Variants in KIF13A observed in about 807,000 individuals in gnomAD.
KIF13A encodes kinesin-like protein KIF13A.
Under a neutral mutation model 212.2 loss-of-function variants are expected in KIF13A, and 79 were observed. That is an observed-to-expected ratio of 0.37 (90% CI 0.31 to 0.45). KIF13A has a LOEUF of 0.45. Ranked by LOEUF, KIF13A falls within the 20% of genes least tolerant of loss-of-function variation. The pLI is 1.00. For missense variants in KIF13A, 1,901 were observed against 2,209.0 expected (o/e 0.86, Z 2.79); for synonymous variants, 789 against 808.6 (o/e 0.98, Z 0.41).
At position 17,918,787 on chromosome 6, in the gene KIF13A, C is replaced by A. The variant is rs1431852387; in HGVS notation, c.147-20607G>T. 6.6e-6 allele frequency among the ~76,000 whole-genome samples: 1 copy of A among 152,176 alleles called. No homozygotes were observed. Among genetic ancestry groups the A allele is most frequent in the Non-Finnish European group, 1.5e-5 (1 of 68,036 alleles). ...ATTAATGTTGAGGCTGCCTGCACCA[C>A]CTCCATCCCACCTGCATCCTGCTTG... On this transcript the variant is annotated intron_variant, in intron 2 of 38. Coordinates refer to ENST00000259711, the MANE Select transcript of KIF13A (RefSeq NM_022113.6). The surrounding 1 kb of genome is among the most constrained non-coding windows in gnomAD (Gnocchi z 4.8).
At chr6:17,770,745 C>T in intron 38 of KIF13A, 3 of 955,346 alleles carry the variant, frequency 3.1e-6, no homozygotes, top group Non-Finnish European at 3.8e-6. Flanking sequence ...TGATTACTTA[C>T]TCCAAGTAAG....
chr6:17,808,638 TG>T lies in KIF13A; in HGVS notation c.2163+129del. On this transcript the variant is annotated intron_variant, in intron 18 of 38. Transcript: ENST00000259711. ...CCAATGAGGTATATAAAGAATGTCTTGAAAAAAATAAACATCTCTGGCTGAT... is the reference window on the plus strand; with the variant it reads ...CCAATGAGGTATATAAAGAATGTCTTAAAAAAATAAACATCTCTGGCTGAT... 3.7e-6 allele frequency: 3 copies of T among 808,904 alleles called. No individual in the cohort carries two copies. In the Middle Eastern group the frequency reaches 1.2e-3, roughly 316 times the overall value. 50.1% of individuals were successfully genotyped at this position (808,904 alleles called of 1,614,324 possible). A position where few individuals can be genotyped will look rare whatever the true frequency, so the allele number is the denominator to read the frequency against.
intron 34 of KIF13A, among the ~76,000 whole-genome samples, chr6:17,775,511 CTT>C: frequency 6.6e-6 from 1 of 152,246 alleles, no homozygotes; most frequent in East Asian, 1.9e-4. Context: ...TTAGAATCAG[CTT>C]ATCAAATCTT....
intron 2 of KIF13A, among the ~76,000 whole-genome samples, chr6:17,983,267 A>G (rs1257870394): frequency 6.6e-6 from 1 of 152,116 alleles, no homozygotes; most frequent in Admixed American, 6.6e-5. Context: ...ATGCACATAT[A>G]TATCTGGAAA....
chr6:17,772,248 A>G lies in KIF13A; in HGVS notation c.4325-189T>C, dbSNP rs1166455322. 6.6e-6 allele frequency among the ~76,000 whole-genome samples: 1 copy of G among 152,192 alleles called. No homozygotes were observed. The highest frequency in any genetic ancestry group is 1.5e-5 in the Non-Finnish European group (1 of 68,030). On this transcript the variant is annotated intron_variant, in intron 36 of 38. Coordinates refer to ENST00000259711, the MANE Select transcript of KIF13A (RefSeq NM_022113.6). This position sits in a 1 kb window ranked among gnomAD's most constrained non-coding sequence, Gnocchi z 4.8. ...CATAGGGACACCAGTCTGTGAAAAA[A>G]AAAATAAACAGATAGCCAGGCATGG...
chr6:17,979,056 G>C (rs1780832231), intron 2 of KIF13A, among the ~76,000 whole-genome samples: 1 of 152,180 alleles, frequency 6.6e-6, no homozygotes, highest in African/African-American at 2.4e-5. Context: ...AGGCCAAGGA[G>C]GGTGCACCTG....
rs951081014 is a variant in KIF13A at position 17,785,396 on chromosome 6, T to A, written c.3488+119A>T. 2 of 1,166,874 alleles carry A rather than the reference T, an allele frequency of 1.7e-6. No individual in the cohort carries two copies. The highest frequency in any genetic ancestry group is 2.3e-6 in the Non-Finnish European group (2 of 856,240). 72.3% of individuals were successfully genotyped at this position (1,166,874 alleles called of 1,614,324 possible). Reference sequence around the variant, plus strand: ...GCATTAGAGATGAGTGGACATTCCCTAAGTAGTTCAGCTGGTTGGCATTTT... The same window carrying A: ...GCATTAGAGATGAGTGGACATTCCCAAAGTAGTTCAGCTGGTTGGCATTTT... On this transcript the variant is annotated intron_variant, in intron 28 of 38. Coordinates refer to ENST00000259711, the MANE Select transcript of KIF13A (RefSeq NM_022113.6). The surrounding 1 kb of genome is among the most constrained non-coding windows in gnomAD (Gnocchi z 5.8).
chr6:17,822,587 T>C (rs980718772), intron 16 of KIF13A, among the ~76,000 whole-genome samples: 6 of 152,216 alleles, frequency 3.9e-5, no homozygotes, highest in Admixed American at 2.6e-4. Flanking sequence ...GAGGGCTAAA[T>C]GATTAAACTG....
rs764164486 is a variant in KIF13A at position 17,777,294 on chromosome 6, T to A, written c.4153A>T (p.Thr1385Ser). 1 of 1,612,836 alleles carries A rather than the reference T, an allele frequency of 6.2e-7. No individual in the cohort carries two copies. Among genetic ancestry groups the A allele is most frequent in the Non-Finnish European group, 8.5e-7 (1 of 1,179,254 alleles). The change falls in exon 34 of 39, where the codon ACA (threonine) becomes TCA (serine). Residue 1385 changes from threonine to serine, a missense_variant. By Grantham distance (58) the Thr-to-Ser change is moderately conservative. This residue lies in a region of KIF13A where 687 missense variants were observed against 759.1 expected (regional missense o/e 0.90). Transcript: ENST00000259711. The surrounding 1 kb of genome is among the most constrained non-coding windows in gnomAD (Gnocchi z 4.4). ...KARHIRRSLS[T>S]PNVHNVSSSR... is the part of the protein sequence containing the mutation. ...GCACTTACATTATGAACATTTGGTG[T>A]ACTGAGGCTCCTCCGAATGTGCCGG...
chr6:17,962,877 T>C (rs919466155), intron 2 of KIF13A, among the ~76,000 whole-genome samples: 1 of 152,184 alleles, frequency 6.6e-6, no homozygotes, highest in African/African-American at 2.4e-5. Context: ...TTAATGACAA[T>C]GCAATGAATA....
chr6:17,803,978 C>T (rs1416663817), intron 20 of KIF13A, among the ~76,000 whole-genome samples: 1 of 152,182 alleles, frequency 6.6e-6, no homozygotes, highest in Non-Finnish European at 1.5e-5. Flanking sequence ...CGGTGAAACC[C>T]CGTCTCCACT....
intron 16 of KIF13A, among the ~76,000 whole-genome samples, chr6:17,822,826 T>A (rs1489058008): frequency 6.6e-6 from 1 of 152,186 alleles, no homozygotes; most frequent in African/African-American, 2.4e-5. Flanking sequence ...TGTCTGAACG[T>A]CACTTCGAAA....
chr6:17,867,648 G>A (rs1769541764), intron 4 of KIF13A, among the ~76,000 whole-genome samples: 1 of 152,184 alleles, frequency 6.6e-6, no homozygotes, highest in Non-Finnish European at 1.5e-5. Context: ...TGACTCCAGA[G>A]CCTGTGCTTT....
chr6:17,849,638 G>A lies in KIF13A; in HGVS notation c.718-149C>T. On this transcript the variant is annotated intron_variant, in intron 8 of 38. Transcript: ENST00000259711. The surrounding 1 kb of genome is among the most constrained non-coding windows in gnomAD (Gnocchi z 5.7). Reference sequence around the variant, plus strand: ...TTTTAAACGGTCAGAAGAGTTATTTGAACCAGCAATTAATTTCATAGTTAA... The same window carrying A: ...TTTTAAACGGTCAGAAGAGTTATTTAAACCAGCAATTAATTTCATAGTTAA... The A allele has an allele frequency of 1.8e-6, 1 of 558,926 alleles. No homozygotes were observed. Among genetic ancestry groups the A allele is most frequent in the Non-Finnish European group, 3.1e-6 (1 of 318,430 alleles). 34.6% of individuals were successfully genotyped at this position (558,926 alleles called of 1,614,324 possible). A position where few individuals can be genotyped will look rare whatever the true frequency, so the allele number is the denominator to read the frequency against.
Position 17,773,526 on chromosome 6 carries a change from C to G in KIF13A, c.4276G>C (p.Ala1426Pro). 1 of 1,612,070 alleles carries G rather than the reference C, an allele frequency of 6.2e-7. No homozygotes were observed. The highest frequency in any genetic ancestry group is 1.1e-5 in the South Asian group (1 of 90,922). The stretch of plus-strand genomic sequence containing the variant: ...TCCCTGGGTAAAGTTCCATAACATG[C>G]TACATCTTGGTAACTGGAGCTATAG... Reference protein sequence around the residue: ...SDYSSSYQDVACYGTLPRDSP... With the variant: ...SDYSSSYQDVPCYGTLPRDSP... Residue 1426 changes from alanine (A) to proline (P), a missense_variant, in exon 36 of 39, where the codon GCA becomes CCA. Physicochemically the swap from Ala to Pro is conservative, Grantham distance 27. Around this residue, in one of 5 missense-constraint regions of KIF13A, gnomAD observed 687 missense variants for 759.1 expected, o/e 0.90. Coordinates refer to ENST00000259711, the MANE Select transcript of KIF13A (RefSeq NM_022113.6). This position sits in a 1 kb window ranked among gnomAD's most constrained non-coding sequence, Gnocchi z 4.2.
rs537878325 is a variant in KIF13A at position 17,908,798 on chromosome 6, T to C, written c.147-10618A>G. ...GCAGACAGACTTGTGGTTTGATTTT[T>C]TGGACTACTTTGGTATATTTGAACT... On this transcript the variant is annotated intron_variant, in intron 2 of 38. Transcript: ENST00000259711. 1.4e-3 allele frequency among the ~76,000 whole-genome samples: 220 copies of C among 152,346 alleles called. 2 individuals are homozygous for C. The highest frequency in any genetic ancestry group is 5.1e-3 in the African/African-American group (214 of 41,572).
In KIF13A at chr6:17,828,952, A is replaced by ATTT. The variant is rs10667237; in HGVS notation, c.1402-585_1402-583dup. On this transcript the variant is annotated intron_variant, in intron 13 of 38. Coordinates refer to ENST00000259711, the MANE Select transcript of KIF13A (RefSeq NM_022113.6). The surrounding 1 kb of genome is among the most constrained non-coding windows in gnomAD (Gnocchi z 4.3). ...GGGTCATACCATGTACAAACGTGTG[A>ATTT]TTTTTTTTTTTTTGACATGGTGTCT... 0.017 allele frequency among the ~76,000 whole-genome samples: 2,558 copies of ATTT among 147,646 alleles called. 41 individuals carry two copies. Among genetic ancestry groups the ATTT allele is most frequent in the Middle Eastern group, 0.024 (7 of 290 alleles).
chr6:17,805,798 C>T (rs1205505822), intron 18 of KIF13A, among the ~76,000 whole-genome samples, 183 bp from the exon 19 acceptor site: 6 of 152,270 alleles, frequency 3.9e-5, no homozygotes, highest in Non-Finnish European at 8.8e-5. Context: ...TACACTCATG[C>T]ACACTTTTTA....
At chr6:17,975,866 C>T (rs144023861) in intron 2 of KIF13A, among the ~76,000 whole-genome samples, 1 of 152,044 alleles carries the variant, frequency 6.6e-6, no homozygotes, top group African/African-American at 2.4e-5. Context: ...TTGGTGTTTA[C>T]AAACCTTGGG....
Sources: allele counts gnomAD v4.1 joint callset (sites outside exome capture counted in the v4.1 genomes callset), GRCh38; gene constraint gnomAD v4.1.1; regional missense constraint gnomAD v4.1.1; non-coding constraint Gnocchi (gnomAD v3.1); transcripts MANE v1.5; gene names NCBI Gene and HGNC (gene_info 2026-07-23, HGNC 2026-07-21).